Variants in RANBP2 observed in about 807,000 individuals in gnomAD.
RANBP2 encodes the protein E3 SUMO-protein ligase RanBP2.
A neutral mutation model predicts 303.6 loss-of-function variants in RANBP2; 57 were observed. The observed-to-expected ratio is 0.19, with a 90% CI of 0.15 to 0.23. The LOEUF (loss-of-function observed/expected upper bound fraction) is 0.23, where lower values mean the gene tolerates loss of function less well. Ranked by LOEUF, RANBP2 falls within the 10% of genes least tolerant of loss-of-function variation. The pLI, the probability that RANBP2 is intolerant of heterozygous loss-of-function variation, is 1.00. For synonymous variants in RANBP2, 1,167 were observed against 1,301.5 expected, an observed-to-expected ratio of 0.90 and a Z score of 2.23; for missense variants, 3,138 against 3,780.8, an observed-to-expected ratio of 0.83 and a Z score of 4.46.
At chr2:108,919,761 C>G in the RANBP2 span, among the ~76,000 whole-genome samples, 9 of 152,164 alleles carry the variant, frequency 5.9e-5, no homozygotes, top group Non-Finnish European at 1.3e-4. Context: ...CAGTGTAGGT[C>G]AGCGAGGCTC....
the RANBP2 span, among the ~76,000 whole-genome samples, chr2:109,229,880 A>G: frequency 7.0e-6 from 1 of 143,068 alleles, no homozygotes; most frequent in South Asian, 2.1e-4. Context: ...GCTGGAGTGC[A>G]GTGGCGCAAT....
chr2:108,998,417 G>T, the RANBP2 span, among the ~76,000 whole-genome samples: 1 of 152,112 alleles, frequency 6.6e-6, no homozygotes, highest in Non-Finnish European at 1.5e-5. Context: ...TCTTGTATTC[G>T]TGGAGTGGAA....
chr2:109,521,196 T>C, the RANBP2 span, among the ~76,000 whole-genome samples: 1,405 of 148,282 alleles, frequency 9.5e-3, 32 homozygotes, highest in African/African-American at 0.034. Flanking sequence ...CCAGCCTGGG[T>C]GACAGAGCGA....
chr2:109,561,109 C>A, the RANBP2 span, among the ~76,000 whole-genome samples: 1 of 152,190 alleles, frequency 6.6e-6, no homozygotes, highest in Non-Finnish European at 1.5e-5. Context: ...AGGGCCTCCA[C>A]AGCTGCTGCC....
chr2:109,614,221 C>T, the RANBP2 span: 2 of 923,392 alleles, frequency 2.2e-6, no homozygotes, highest in East Asian at 4.0e-5. Flanking sequence ...GGCCTTGAGG[C>T]GAGGCCGCCC....
the RANBP2 span, among the ~76,000 whole-genome samples, chr2:108,843,844 T>TTTTG: frequency 8.8e-5 from 2 of 22,808 alleles, no homozygotes; most frequent in Non-Finnish European, 2.2e-4. Flanking sequence ...AGTTCATGTT[T>TTTTG]TGTGTGTGTG....
chr2:108,728,346 T>C (rs571208671), intron 1 of RANBP2, among the ~76,000 whole-genome samples: 1 of 152,230 alleles, frequency 6.6e-6, no homozygotes, highest in East Asian at 1.9e-4. Flanking sequence ...CACGCTGGAG[T>C]GCAGTGTCAC....
the RANBP2 span, among the ~76,000 whole-genome samples, chr2:109,539,384 T>C: frequency 6.6e-6 from 1 of 152,072 alleles, no homozygotes; most frequent in African/African-American, 2.4e-5. Flanking sequence ...AGAAATGGAA[T>C]GGAACATTCT....
At chr2:108,928,704 T>C in the RANBP2 span, among the ~76,000 whole-genome samples, 1 of 152,352 alleles carries the variant, frequency 6.6e-6, no homozygotes, top group Middle Eastern at 3.4e-3. Context: ...AGGAAGATTT[T>C]ATCTTTCTCT....
downstream of RANBP2, among the ~76,000 whole-genome samples, chr2:108,787,444 A>C (rs1157658169): frequency 6.6e-6 from 1 of 152,164 alleles, no homozygotes. Context: ...TTACCTCTGA[A>C]TAGAAATAAC....
the RANBP2 span, chr2:109,371,521 C>A: frequency 7.1e-7 from 1 of 1,414,838 alleles, no homozygotes; most frequent in African/African-American, 1.4e-5. Context: ...TAACCAGTGT[C>A]TTGCTTCCTT....
chr2:108,908,118 A>G, the RANBP2 span: 1 of 1,344,882 alleles, frequency 7.4e-7, no homozygotes, highest in African/African-American at 1.5e-5. Context: ...AGCTGTGGAC[A>G]GTGGGGGGCA....
At chr2:109,199,851 A>G in the RANBP2 span, among the ~76,000 whole-genome samples, 1 of 151,388 alleles carries the variant, frequency 6.6e-6, no homozygotes, top group Non-Finnish European at 1.5e-5. Context: ...ATGGAATGGA[A>G]ATAACAAAAT....
the RANBP2 span, among the ~76,000 whole-genome samples, chr2:109,540,448 G>A: frequency 6.6e-6 from 1 of 152,080 alleles, no homozygotes; most frequent in Non-Finnish European, 1.5e-5. Context: ...TGTACATAGG[G>A]ATGTATAGTT....
the RANBP2 span, chr2:108,923,268 C>A: frequency 8.5e-7 from 1 of 1,175,772 alleles, no homozygotes; most frequent in Non-Finnish European, 1.3e-6. Flanking sequence ...TGTGATTCAC[C>A]TTGTCCAGGT....
At chr2:109,725,393 C>G in the RANBP2 span, among the ~76,000 whole-genome samples, 1 of 152,208 alleles carries the variant, frequency 6.6e-6, no homozygotes, top group African/African-American at 2.4e-5. Context: ...ATGGCCTGGA[C>G]AGGGGAGAAA....
Position 108,782,118 on chromosome 2 carries a change from C to T in RANBP2, c.8761-10C>T, listed in dbSNP as rs753971848. On this transcript the variant is annotated splice_polypyrimidine_tract_variant and intron_variant, in intron 26 of 28. Transcript: ENST00000283195. Reference sequence around the variant, plus strand: ...CAGCAGCTTATAGAGAATTTCATCTCCTATTATAGGTAGAAGTAAAATCTG... The same window carrying T: ...CAGCAGCTTATAGAGAATTTCATCTTCTATTATAGGTAGAAGTAAAATCTG... 3.7e-6 allele frequency: 6 copies of T among 1,613,598 alleles called. No homozygotes were observed. Among genetic ancestry groups the T allele is most frequent in the Non-Finnish European group, 4.2e-6 (5 of 1,179,846 alleles).
chr2:109,572,609 CTTTTTTTTT>C, the RANBP2 span, among the ~76,000 whole-genome samples: 1 of 111,202 alleles, frequency 9.0e-6, no homozygotes, highest in African/African-American at 3.8e-5. Flanking sequence ...TTTAAAACAA[CTTTTTTTTT>C]TTTTTTTTTT....
chr2:108,997,766 C>T, the RANBP2 span, among the ~76,000 whole-genome samples: 2 of 152,098 alleles, frequency 1.3e-5, no homozygotes, highest in Non-Finnish European at 2.9e-5. Flanking sequence ...TGGCAGGCTC[C>T]TGTAATCCCA....
Sources: allele counts gnomAD v4.1 joint callset (sites outside exome capture counted in the v4.1 genomes callset), GRCh38; gene constraint gnomAD v4.1.1; transcripts MANE v1.5; gene names NCBI Gene and HGNC (gene_info 2026-07-23, HGNC 2026-07-21).